The following RFTN1 variants were observed in gnomAD, a reference collection of about 807,000 sequenced individuals.
RFTN1 encodes the protein raftlin.
In RFTN1, 26 loss-of-function variants were observed where a neutral mutation model predicts 46.5. That is an observed-to-expected ratio of 0.56 (90% CI 0.41 to 0.78). The LOEUF is 0.78. RFTN1 is among the 30% of genes least tolerant of loss of function. The pLI, the probability that RFTN1 is intolerant of heterozygous loss-of-function variation, is 0.00. For synonymous variants in RFTN1, 261 were observed against 284.2 expected, an observed-to-expected ratio of 0.92 and a Z score of 0.82; for missense variants, 693 against 718.7, an observed-to-expected ratio of 0.96 and a Z score of 0.41.
chr3:16,336,403 G>C lies in RFTN1; in HGVS notation c.1147-9527C>G, dbSNP rs1575034966. Among the ~76,000 whole-genome samples, 1 of 152,264 alleles carries C rather than the reference G, an allele frequency of 6.6e-6. No homozygotes were observed. The highest frequency in any genetic ancestry group is 1.5e-5 in the Non-Finnish European group (1 of 68,008). On this transcript the variant is annotated intron_variant, in intron 7 of 9. Coordinates refer to ENST00000334133, the MANE Select transcript of RFTN1 (RefSeq NM_015150.2). The surrounding 1 kb of genome is among the most constrained non-coding windows in gnomAD (Gnocchi z 6.0). The stretch of plus-strand genomic sequence containing the variant: ...TGGAGGGAGGGAGAAGGGAAGGGGC[G>C]ACCTGCTGCTCTGTGGAGAAACAGC...
intron 8 of RFTN1, among the ~76,000 whole-genome samples, chr3:16,324,166 A>C (rs1396688309): frequency 3.9e-5 from 6 of 152,210 alleles, no homozygotes; most frequent in Non-Finnish European, 7.3e-5. Context: ...TAATTTACAA[A>C]TAATAATTGT....
chr3:16,330,391 C>G lies in RFTN1; in HGVS notation c.1147-3515G>C, dbSNP rs566624151. On this transcript the variant is annotated intron_variant, in intron 7 of 9. Transcript: ENST00000334133. ...TGGCATTTCTAAAATACAAGATGAG[C>G]CTGTCAGTGAAAGACACTTTTAAGT... is the stretch of plus-strand genomic sequence containing the variant. Among the ~76,000 whole-genome samples the G allele has an allele frequency of 5.3e-5, 8 of 152,300 alleles. No individual in the cohort carries two copies. The East Asian group carries it at 1.4e-3, about 26-fold the overall frequency.
rs890656971 is a variant in RFTN1 at position 16,495,360 on chromosome 3, A to T, written c.-8-1483T>A. 4.6e-5 allele frequency among the ~76,000 whole-genome samples: 7 copies of T among 152,230 alleles called. No homozygotes were observed. The East Asian group carries it at 1.2e-3, about 25-fold the overall frequency. ...TGTTGGGAACACGTAGCCCGTCAAG[A>T]TGTGCACTGTTACTCTCTGCAAAGA... On this transcript the variant is annotated intron_variant, in intron 1 of 9. Transcript: ENST00000334133.
chr3:16,392,023 G>A (rs952206977), intron 4 of RFTN1, among the ~76,000 whole-genome samples: 1 of 151,872 alleles, frequency 6.6e-6, no homozygotes, highest in African/African-American at 2.4e-5. Flanking sequence ...TGGGTTTAAA[G>A]TTCCAGATTT....
chr3:16,419,322 A>T (rs1479765341), intron 3 of RFTN1, among the ~76,000 whole-genome samples: 1 of 152,184 alleles, frequency 6.6e-6, no homozygotes, highest in African/African-American at 2.4e-5. Flanking sequence ...TTAACTGTGA[A>T]GTAAAGAAGA....
Position 16,412,478 on chromosome 3 carries a change from C to G in RFTN1, c.333-2995G>C, listed in dbSNP as rs78195533. Among the ~76,000 whole-genome samples, 403 of 152,308 alleles carry G rather than the reference C, an allele frequency of 2.6e-3. 2 individuals are homozygous for G. Among genetic ancestry groups the G allele is most frequent in the African/African-American group, 9.4e-3 (389 of 41,560 alleles). ...ATCCTATGAAAAACAGCATTAAATC[C>G]ACTAGCAAAGCCCTATAGAGCTGCC... On this transcript the variant is annotated intron_variant, in intron 3 of 9. Coordinates refer to ENST00000334133, the MANE Select transcript of RFTN1 (RefSeq NM_015150.2).
rs2072819845 is a variant in RFTN1, at chr3:16,361,373, A to G, written c.1031-3326T>C. ...AAGCAGCAAGATAAAGTCCCTGCCT[A>G]CATGAAGCTTACCTTGCAGTGGAGG... On this transcript the variant is annotated intron_variant, in intron 6 of 9. Coordinates refer to ENST00000334133, the MANE Select transcript of RFTN1 (RefSeq NM_015150.2). This position sits in a 1 kb window ranked among gnomAD's most constrained non-coding sequence, Gnocchi z 4.3. 2.0e-5 allele frequency among the ~76,000 whole-genome samples: 3 copies of G among 152,208 alleles called. No homozygotes were observed. In the South Asian group the frequency reaches 6.2e-4, roughly 32 times the overall value.
rs917471717 is a variant in RFTN1 at position 16,451,702 on chromosome 3, C to A, written c.146-17665G>T. Among the ~76,000 whole-genome samples, 1 of 152,162 alleles carries A rather than the reference C, an allele frequency of 6.6e-6. No homozygotes were observed. Among genetic ancestry groups the A allele is most frequent in the Admixed American group, 6.5e-5 (1 of 15,282 alleles). ...GCACTGTGGCCATAACTTTTGCAGC[C>A]TGAGGTGTGACAGCAAAACTACTAG... On this transcript the variant is annotated intron_variant, in intron 2 of 9. Transcript: ENST00000334133. The surrounding 1 kb of genome is among the most constrained non-coding windows in gnomAD (Gnocchi z 4.2).
At chr3:16,330,775 C>T (rs1264728574) in intron 7 of RFTN1, among the ~76,000 whole-genome samples, 1 of 152,212 alleles carries the variant, frequency 6.6e-6, no homozygotes, top group Non-Finnish European at 1.5e-5. Context: ...AGACATCCTA[C>T]ACAACCTTTC....
At chr3:16,319,506 G>A (rs1013951338) in intron 9 of RFTN1, among the ~76,000 whole-genome samples, 5 of 152,190 alleles carry the variant, frequency 3.3e-5, no homozygotes, top group African/African-American at 9.7e-5. Context: ...TGTATTTGAT[G>A]TGAATAGCGC....
intron 7 of RFTN1, among the ~76,000 whole-genome samples, chr3:16,354,003 T>G (rs1290232423): frequency 3.3e-5 from 5 of 152,170 alleles, no homozygotes; most frequent in African/African-American, 1.2e-4. Flanking sequence ...GATAGCTGTG[T>G]TTTAAAAAGT....
At chr3:16,325,639 G>A (rs775798967) in intron 8 of RFTN1, among the ~76,000 whole-genome samples, 12 of 152,250 alleles carry the variant, frequency 7.9e-5, no homozygotes, top group Admixed American at 5.2e-4. Flanking sequence ...TATGCCTGTC[G>A]AAGTCTTGGC....
At position 16,451,294 on chromosome 3, in the gene RFTN1, C is replaced by T. The variant is rs2075819463; in HGVS notation, c.146-17257G>A. Reference sequence around the variant, plus strand: ...CGTCTCATCAGTGACCTCCTCTTACCCACCACGTCAGATCCCCCAAAGCCT... The same window carrying T: ...CGTCTCATCAGTGACCTCCTCTTACTCACCACGTCAGATCCCCCAAAGCCT... On this transcript the variant is annotated intron_variant, in intron 2 of 9. Coordinates refer to ENST00000334133, the MANE Select transcript of RFTN1 (RefSeq NM_015150.2). This position sits in a 1 kb window ranked among gnomAD's most constrained non-coding sequence, Gnocchi z 4.2. Among the ~76,000 whole-genome samples the T allele has an allele frequency of 6.6e-6, 1 of 152,100 alleles. No individual in the cohort carries two copies. Among genetic ancestry groups the T allele is most frequent in the Non-Finnish European group, 1.5e-5 (1 of 68,006 alleles).
At position 16,356,937 on chromosome 3, in the gene RFTN1, A is replaced by G. The variant is rs1281443778; in HGVS notation, c.1146+995T>C. ...TGAGACCAGCCTGGCCAACGTGGTGAAACCCTGTCTTTACTAAAAATACAA... is the reference window on the plus strand; with the variant it reads ...TGAGACCAGCCTGGCCAACGTGGTGGAACCCTGTCTTTACTAAAAATACAA... On this transcript the variant is annotated intron_variant, in intron 7 of 9. Coordinates refer to ENST00000334133, the MANE Select transcript of RFTN1 (RefSeq NM_015150.2). The surrounding 1 kb of genome is among the most constrained non-coding windows in gnomAD (Gnocchi z 4.9). Among the ~76,000 whole-genome samples the G allele has an allele frequency of 2.6e-5, 4 of 151,994 alleles. No homozygotes were observed. The South Asian group carries it at 6.2e-4, about 24-fold the overall frequency.
rs2076147129 is a variant in RFTN1 at position 16,468,911 on chromosome 3, T to C, written c.145+24814A>G. ...TGTGGCTGGCCCATTAGGGCAGGCA[T>C]GCAGCCATTTCTTCACTGCCAAAAG... is the stretch of plus-strand genomic sequence containing the variant. On this transcript the variant is annotated intron_variant, in intron 2 of 9. Transcript: ENST00000334133. This position sits in a 1 kb window ranked among gnomAD's most constrained non-coding sequence, Gnocchi z 4.4. 6.6e-6 allele frequency among the ~76,000 whole-genome samples: 1 copy of C among 152,256 alleles called. No homozygotes were observed.
At chr3:16,391,953 G>C (rs766686477) in intron 4 of RFTN1, among the ~76,000 whole-genome samples, 23 of 146,574 alleles carry the variant, frequency 1.6e-4, no homozygotes, top group Admixed American at 1.4e-4. Flanking sequence ...CACCTAAATG[G>C]CTGCCTAAGT....
chr3:16,476,631 G>C (rs915464192), intron 2 of RFTN1, among the ~76,000 whole-genome samples: 5 of 152,096 alleles, frequency 3.3e-5, no homozygotes, highest in African/African-American at 1.2e-4. Context: ...AGAAGACCTG[G>C]GACCCAAGGC....
chr3:16,492,510 A>C (rs542774956), intron 2 of RFTN1, among the ~76,000 whole-genome samples: 2 of 152,300 alleles, frequency 1.3e-5, no homozygotes, highest in African/African-American at 4.8e-5. Context: ...TGATTTACCC[A>C]GTTGCTCTGA....
intron 7 of RFTN1, among the ~76,000 whole-genome samples, chr3:16,328,588 G>A (rs1431967524): frequency 1.3e-5 from 2 of 152,176 alleles, no homozygotes; most frequent in Admixed American, 1.3e-4. Flanking sequence ...TATAAAATGG[G>A]TACTGGTCTA....
Sources: allele counts gnomAD v4.1 joint callset (sites outside exome capture counted in the v4.1 genomes callset), GRCh38; gene constraint gnomAD v4.1.1; non-coding constraint Gnocchi (gnomAD v3.1); transcripts MANE v1.5; gene names NCBI Gene and HGNC (gene_info 2026-07-23, HGNC 2026-07-21).